The following NTRK3 variants were observed in gnomAD, a reference collection of about 807,000 sequenced individuals.
The protein encoded by NTRK3 is neurotrophic receptor tyrosine kinase 3.
Under a neutral mutation model 91.7 loss-of-function variants are expected in NTRK3, and 24 were observed. The observed-to-expected ratio is 0.26, with a 90% CI of 0.19 to 0.37. NTRK3 has a LOEUF of 0.37. Among genes scored for constraint, NTRK3 ranks in the 10% least tolerant of loss-of-function variants. The pLI is 1.00. For missense variants in NTRK3, 880 were observed against 1,068.9 expected, an observed-to-expected ratio of 0.82 and a Z score of 2.46; for synonymous variants, 483 against 404.0, an observed-to-expected ratio of 1.20 and a Z score of -2.34.
chr15:88,087,068 A>G (rs1225731393), intron 13 of NTRK3, among the ~76,000 whole-genome samples: 2 of 152,206 alleles, frequency 1.3e-5, no homozygotes, highest in Non-Finnish European at 2.9e-5. Context: ...CACACACACA[A>G]CCTAAAATCA....
intron 6 of NTRK3, among the ~76,000 whole-genome samples, chr15:88,141,497 G>T (rs1252956730): frequency 3.9e-5 from 6 of 152,218 alleles, no homozygotes; most frequent in African/African-American, 4.8e-5. Flanking sequence ...TGACAAGGAG[G>T]GTCCAGATGC....
chr15:88,069,192 A>T (rs1312116960), intron 13 of NTRK3, among the ~76,000 whole-genome samples: 1 of 152,172 alleles, frequency 6.6e-6, no homozygotes, highest in Non-Finnish European at 1.5e-5. Flanking sequence ...GCAGAAAGAG[A>T]TCAATCATAA....
chr15:87,887,377 C>G (rs2141535279), intron 17 of NTRK3, among the ~76,000 whole-genome samples: 1 of 152,306 alleles, frequency 6.6e-6, no homozygotes, highest in Non-Finnish European at 1.5e-5. Flanking sequence ...CTAAATGTCA[C>G]TTTTGACAAG....
intron 6 of NTRK3, among the ~76,000 whole-genome samples, chr15:88,142,545 C>G (rs1041279435): frequency 6.6e-6 from 1 of 152,236 alleles, no homozygotes; most frequent in Non-Finnish European, 1.5e-5. Context: ...AGCATCAACA[C>G]TTCCAGTGAC....
chr15:87,885,315 T>C (rs2065475225), intron 17 of NTRK3, among the ~76,000 whole-genome samples: 1 of 151,950 alleles, frequency 6.6e-6, no homozygotes, highest in Non-Finnish European at 1.5e-5. Flanking sequence ...ATGTTATACA[T>C]ATTTCATTTC....
intron 5 of NTRK3, among the ~76,000 whole-genome samples, chr15:88,148,182 G>A (rs1368381481): frequency 6.6e-6 from 1 of 152,170 alleles, no homozygotes; most frequent in Non-Finnish European, 1.5e-5. Flanking sequence ...CACGATGTGT[G>A]TATACTTGTG....
intron 13 of NTRK3, among the ~76,000 whole-genome samples, chr15:88,057,757 GCAC>G (rs374615443): frequency 7.5e-4 from 115 of 152,342 alleles, no homozygotes; most frequent in African/African-American, 2.6e-3. Flanking sequence ...ACCCAGGGCT[GCAC>G]CCATAGCCTC....
chr15:88,048,175 G>A (rs2080426893), intron 13 of NTRK3, among the ~76,000 whole-genome samples: 1 of 152,148 alleles, frequency 6.6e-6, no homozygotes, highest in African/African-American at 2.4e-5. Flanking sequence ...CAGGGTATAG[G>A]TCAATCAATC....
At chr15:88,162,791 T>C (rs1352980582) in intron 5 of NTRK3, among the ~76,000 whole-genome samples, 1 of 152,184 alleles carries the variant, frequency 6.6e-6, no homozygotes, top group East Asian at 1.9e-4. Flanking sequence ...TTCCTCCTCT[T>C]TCTCCAGCTT....
chr15:87,893,787 G>C (rs1446482759), intron 17 of NTRK3, among the ~76,000 whole-genome samples: 1 of 152,190 alleles, frequency 6.6e-6, no homozygotes, highest in Non-Finnish European at 1.5e-5. Context: ...CCATATTCCA[G>C]ATAAAGAAAC....
chr15:87,961,368 T>TA (rs2072271761), intron 14 of NTRK3, among the ~76,000 whole-genome samples: 1 of 152,242 alleles, frequency 6.6e-6, no homozygotes, highest in Admixed American at 6.5e-5. Context: ...CACCGATCCC[T>TA]AAAAAACTCA....
chr15:88,031,626 A>G (rs1038295431), intron 14 of NTRK3, among the ~76,000 whole-genome samples: 4 of 152,128 alleles, frequency 2.6e-5, no homozygotes, highest in Non-Finnish European at 5.9e-5. Flanking sequence ...GATTCTGGAG[A>G]ACACCCAAGG....
chr15:88,148,670 G>A (rs980644015), intron 5 of NTRK3, among the ~76,000 whole-genome samples: 2 of 152,110 alleles, frequency 1.3e-5, no homozygotes, highest in African/African-American at 4.8e-5. Context: ...GGAGGAGTTT[G>A]GATTTGATAT....
exon 19 of NTRK3, chr15:87,861,056 T>G (rs765219697): frequency 2.2e-5 from 5 of 226,424 alleles, no homozygotes; most frequent in Non-Finnish European, 4.4e-5. Flanking sequence ...TCAGAACAGG[T>G]GTGCCCAGGT....
chr15:87,982,058 G>A (rs142802247), intron 14 of NTRK3, among the ~76,000 whole-genome samples: 65 of 152,278 alleles, frequency 4.3e-4, no homozygotes, highest in Middle Eastern at 3.4e-3. Flanking sequence ...GGAAAGATCC[G>A]TGTCGGATCC....
chr15:88,070,723 AG>A (rs1182497345), intron 13 of NTRK3, among the ~76,000 whole-genome samples: 1 of 152,116 alleles, frequency 6.6e-6, no homozygotes, highest in Non-Finnish European at 1.5e-5. Context: ...CTAGGTCTGC[AG>A]GGAAGCCTGG....
intron 3 of NTRK3, among the ~76,000 whole-genome samples, chr15:88,229,060 G>C (rs1339638911): frequency 6.6e-6 from 1 of 152,174 alleles, no homozygotes; most frequent in Non-Finnish European, 1.5e-5. Flanking sequence ...GAAAGGCTAA[G>C]AGAATGGCAG....
At chr15:88,244,100 C>A (rs957616997) in intron 3 of NTRK3, among the ~76,000 whole-genome samples, 6 of 152,148 alleles carry the variant, frequency 3.9e-5, no homozygotes, top group Non-Finnish European at 5.9e-5. Context: ...TGCTGCCCCC[C>A]CATGAATTGG....
intron 17 of NTRK3, 25 bp from the exon 19 acceptor site, chr15:87,880,453 C>T (rs1006155046): frequency 5.6e-6 from 9 of 1,612,572 alleles, no homozygotes; most frequent in Middle Eastern, 1.7e-4. Context: ...GATAGAGGCA[C>T]ACAGAGTGAC....
Sources: allele counts gnomAD v4.1 joint callset (sites outside exome capture counted in the v4.1 genomes callset), GRCh38; gene constraint gnomAD v4.1.1; transcripts MANE v1.5; gene names NCBI Gene and HGNC (gene_info 2026-07-23, HGNC 2026-07-21).